NCOR2: variants seen among roughly 807,000 people sequenced by gnomAD.
The protein encoded by NCOR2 is CTG repeat protein 26.
NCOR2 carries 81 observed loss-of-function variants against 262.9 expected under a neutral mutation model. The ratio of observed to expected loss-of-function variants is 0.31; its 90% CI spans 0.26 to 0.37. The LOEUF (loss-of-function observed/expected upper bound fraction) is 0.37. NCOR2 is among the 10% of genes least tolerant of loss of function. The pLI, the probability that NCOR2 is intolerant of heterozygous loss-of-function variation, is 1.00. For missense variants in NCOR2, 3,385 were observed against 3,621.4 expected (o/e 0.93, Z 1.68); for synonymous variants, 1,659 against 1,559.3 (o/e 1.06, Z -1.51).
chr12:124,544,649 G>A (rs2051484842), intron 1 of NCOR2, among the ~76,000 whole-genome samples: 1 of 152,184 alleles, frequency 6.6e-6, no homozygotes, highest in Admixed American at 6.5e-5. Context: ...CCCGGGCCCA[G>A]GGTAGGTCAG....
chr12:124,522,676 T>C (rs10773091), intron 1 of NCOR2, among the ~76,000 whole-genome samples: 35,135 of 152,250 alleles, frequency 0.23, 4,853 homozygotes, highest in East Asian at 0.38. Flanking sequence ...CTCAACCCAC[T>C]ACCAAAGCCA....
At chr12:124,452,627 C>A (rs1213444760) in intron 6 of NCOR2, among the ~76,000 whole-genome samples, 1 of 152,254 alleles carries the variant, frequency 6.6e-6, no homozygotes, top group African/African-American at 2.4e-5. Context: ...GGCTGGAAGC[C>A]CACAGCACGC....
intron 13 of NCOR2, among the ~76,000 whole-genome samples, chr12:124,416,112 G>A (rs555412518): frequency 2.6e-5 from 4 of 152,184 alleles, no homozygotes; most frequent in East Asian, 1.9e-4. Context: ...GAGCTGAGAC[G>A]GGGCCCAAGC....
chr12:124,562,777 A>T (rs2052114158), intron 1 of NCOR2, among the ~76,000 whole-genome samples: 1 of 152,232 alleles, frequency 6.6e-6, no homozygotes, highest in Non-Finnish European at 1.5e-5. Flanking sequence ...GCAGCTTTTA[A>T]GAGGGAGGAA....
At chr12:124,397,744 G>T (rs1225964567) in intron 16 of NCOR2, among the ~76,000 whole-genome samples, 2 of 152,108 alleles carry the variant, frequency 1.3e-5, no homozygotes, top group African/African-American at 4.8e-5. Context: ...ATGGCCGCCG[G>T]CAAGCTCTGA....
At chr12:124,398,605 G>A (rs1320343050) in intron 15 of NCOR2, among the ~76,000 whole-genome samples, 3 of 152,172 alleles carry the variant, frequency 2.0e-5, no homozygotes, top group Admixed American at 6.5e-5. Context: ...CAGGTGGGCC[G>A]GGACCTCATC....
rs117337655 is a variant in NCOR2, at chr12:124,522,191, A to T, written c.-118+13374T>A. 7.6e-3 allele frequency among the ~76,000 whole-genome samples: 1,164 copies of T among 152,370 alleles called. 9 individuals are homozygous for T. Among genetic ancestry groups the T allele is most frequent in the Non-Finnish European group, 0.013 (862 of 68,038 alleles). On this transcript the variant is annotated intron_variant, in intron 1 of 46. Coordinates refer to the NCOR2 transcript ENST00000404621. ...TGCTGAGCCCCTACTGTATGTGCTG[A>T]GCACTGGAAATATGGCAGTGAACAA...
Position 124,531,591 on chromosome 12 carries a change from G to A in NCOR2, c.-118+3974C>T, listed in dbSNP as rs138383215. Among the ~76,000 whole-genome samples, 628 of 152,070 alleles carry A rather than the reference G, an allele frequency of 4.1e-3. 3 individuals carry two copies. Among genetic ancestry groups the A allele is most frequent in the Admixed American group, 7.5e-3 (115 of 15,276 alleles). On this transcript the variant is annotated intron_variant, in intron 1 of 46. Coordinates refer to the NCOR2 transcript ENST00000404621. This position sits in a 1 kb window ranked among gnomAD's most constrained non-coding sequence, Gnocchi z 4.5. ...GGCTGAGCATCCAGGCTGGGAAGGA[G>A]AGAGAGGAGGATGGCAGAGAGGGAA...
At chr12:124,418,988 C>T (rs74404514) in intron 13 of NCOR2, among the ~76,000 whole-genome samples, 6 of 152,120 alleles carry the variant, frequency 3.9e-5, no homozygotes, top group African/African-American at 1.4e-4. Flanking sequence ...GGAAATGCCT[C>T]GACCGACTCC....
At chr12:124,564,118 T>C (rs1378661865) in intron 1 of NCOR2, among the ~76,000 whole-genome samples, 3 of 152,270 alleles carry the variant, frequency 2.0e-5, no homozygotes, top group Non-Finnish European at 4.4e-5. Context: ...TGGTTCTTAT[T>C]ACTAGCGTAT....
chr12:124,501,220 G>A (rs866414459), intron 1 of NCOR2, among the ~76,000 whole-genome samples: 16 of 152,132 alleles, frequency 1.1e-4, no homozygotes, highest in African/African-American at 2.9e-4. Flanking sequence ...CTGGCCCTGC[G>A]AAGACAGGCA....
At chr12:124,551,569 G>T (rs748976029) in intron 1 of NCOR2, among the ~76,000 whole-genome samples, 1 of 152,140 alleles carries the variant, frequency 6.6e-6, no homozygotes, top group Non-Finnish European at 1.5e-5. Context: ...GCTAAGGCTC[G>T]GCCGGCCTGG....
At chr12:124,400,395 C>T in intron 15 of NCOR2, 106 bp downstream of exon 17, 1 of 1,455,976 alleles carries the variant, frequency 6.9e-7, no homozygotes, top group Non-Finnish European at 9.4e-7. Flanking sequence ...TTACACCAAC[C>T]CCTTGGCTGT....
intron 1 of NCOR2, among the ~76,000 whole-genome samples, chr12:124,534,471 G>T (rs1009209776): frequency 2.7e-5 from 4 of 149,110 alleles, no homozygotes; most frequent in Non-Finnish European, 4.5e-5. Context: ...AAAAAAAAAT[G>T]TGGTATTATA....
intron 1 of NCOR2, among the ~76,000 whole-genome samples, chr12:124,489,253 C>T (rs2047947346): frequency 6.6e-6 from 1 of 152,160 alleles, no homozygotes; most frequent in Non-Finnish European, 1.5e-5. Context: ...CAACATTAAT[C>T]ATAAAAAACA....
At chr12:124,355,106 C>G in intron 24 of NCOR2, 167 bp from the exon 27 acceptor site, 1 of 645,806 alleles carries the variant, frequency 1.5e-6, no homozygotes. Flanking sequence ...CCTCGGCCCC[C>G]TCCCCTGTGA....
At chr12:124,498,715 T>C (rs1276200065), upstream of NCOR2, among the ~76,000 whole-genome samples, 1 of 152,186 alleles carries the variant, frequency 6.6e-6, no homozygotes, top group African/African-American at 2.4e-5. Flanking sequence ...AAACACGGTA[T>C]GCATGTTCAT....
At chr12:124,460,591 G>A (rs574066866) in intron 5 of NCOR2, among the ~76,000 whole-genome samples, 5 of 152,336 alleles carry the variant, frequency 3.3e-5, no homozygotes, top group Admixed American at 2.6e-4. Context: ...CCATAGAGGT[G>A]GATGAGAGGG....
intron 1 of NCOR2, among the ~76,000 whole-genome samples, chr12:124,545,830 C>G (rs924382803): frequency 6.6e-6 from 1 of 152,154 alleles, no homozygotes; most frequent in African/African-American, 2.4e-5. Flanking sequence ...CGTGGAACAG[C>G]CTTTCAGCCT....
Sources: allele counts gnomAD v4.1 joint callset (sites outside exome capture counted in the v4.1 genomes callset), GRCh38; gene constraint gnomAD v4.1.1; non-coding constraint Gnocchi (gnomAD v3.1); transcripts MANE v1.5; gene names NCBI Gene and HGNC (gene_info 2026-07-23, HGNC 2026-07-21).